CDH7: variants seen among roughly 807,000 people sequenced by gnomAD.
The protein encoded by CDH7 is cadherin-7.
Under a neutral mutation model 71.8 loss-of-function variants are expected in CDH7, and 25 were observed. The observed-to-expected ratio is 0.35, with a 90% confidence interval of 0.25 to 0.49. The LOEUF is 0.49. Among genes scored for constraint, CDH7 ranks in the 20% least tolerant of loss-of-function variants. CDH7 has a pLI of 0.99. For missense variants in CDH7, 862 were observed against 974.6 expected, an observed-to-expected ratio of 0.88 and a Z score of 1.54; for synonymous variants, 381 against 363.8, an observed-to-expected ratio of 1.05 and a Z score of -0.54.
rs1385980058 is a variant in CDH7, at chr18:65,843,795, A to G, written c.982-17A>G. Reference sequence around the variant, plus strand: ...GTTTAACCGGTAATTTAATTTTCCTAACGACTTTCTTTACAGGAGCTGGAT... The same window carrying G: ...GTTTAACCGGTAATTTAATTTTCCTGACGACTTTCTTTACAGGAGCTGGAT... On this transcript the variant is annotated splice_polypyrimidine_tract_variant and intron_variant, in intron 6 of 11. Transcript: ENST00000397968. 2.7e-6 allele frequency: 4 copies of G among 1,476,608 alleles called. No homozygotes were observed. The highest frequency in any genetic ancestry group is 3.8e-4 in the Middle Eastern group (2 of 5,204). The allele number at this position is 1,476,608 out of a possible 1,614,324, so 91.5% of individuals were successfully genotyped here.
chr18:65,841,470 A>C (rs1270177239), intron 6 of CDH7, among the ~76,000 whole-genome samples: 4 of 152,306 alleles, frequency 2.6e-5, no homozygotes, highest in Non-Finnish European at 4.4e-5. Context: ...CGGATTTCTA[A>C]GTATATTCTT....
intron 2 of CDH7, among the ~76,000 whole-genome samples, chr18:65,782,368 A>G (rs1255543252): frequency 6.6e-6 from 1 of 151,612 alleles, no homozygotes; most frequent in Non-Finnish European, 1.5e-5. Flanking sequence ...GGTTTTGCCA[A>G]GCTGGTCTTG....
chr18:65,840,830 C>T (rs778497453), intron 6 of CDH7, among the ~76,000 whole-genome samples: 2 of 152,048 alleles, frequency 1.3e-5, no homozygotes, highest in Non-Finnish European at 2.9e-5. Flanking sequence ...TTCCAAACAT[C>T]GAGATAATTT....
At chr18:65,877,480 T>C (rs1209715904) in intron 11 of CDH7, among the ~76,000 whole-genome samples, 1 of 152,122 alleles carries the variant, frequency 6.6e-6, no homozygotes, top group African/African-American at 2.4e-5. Flanking sequence ...TACTTAGACA[T>C]TGATTTAAAT....
rs73542718 is a variant in CDH7 at position 65,757,723 on chromosome 18, G to C, written c.-196-4924G>C. Among the ~76,000 whole-genome samples, 1,077 of 151,792 alleles carry C rather than the reference G, an allele frequency of 7.1e-3. 10 individuals carry two copies. Among genetic ancestry groups the C allele is most frequent in the African/African-American group, 0.024 (1,004 of 41,414 alleles). ...TGTTCTTGTTTTTCTCTTCAGAAAT[G>C]TTCCAGTGTCCAAAAGTTTGTAAAG... On this transcript the variant is annotated intron_variant, in intron 1 of 11. Transcript: ENST00000397968.
In CDH7 at chr18:65,888,810, A is replaced by G. The variant is rs1914438473; in HGVS notation, c.*7916A>G. 6.6e-6 allele frequency: 1 copy of G among 151,972 alleles called. No homozygotes were observed. The highest frequency in any genetic ancestry group is 1.5e-5 in the Non-Finnish European group (1 of 67,968). The allele number at this position is 151,972 out of a possible 1,614,324, so 9.4% of individuals were successfully genotyped here. A position where few individuals can be genotyped will look rare whatever the true frequency, so the allele number is the denominator to read the frequency against. ...TGGTAGAAATGAAAGAAGAAGAAGA[A>G]GAAAAAAACATTGGGACATTTTGCC... On this transcript the variant is annotated 3_prime_UTR_variant, in exon 12 of 12. Coordinates refer to ENST00000397968, the MANE Select transcript of CDH7 (RefSeq NM_004361.5).
chr18:65,774,813 G>T (rs1192390419), intron 2 of CDH7, among the ~76,000 whole-genome samples: 1 of 152,080 alleles, frequency 6.6e-6, no homozygotes, highest in East Asian at 1.9e-4. Context: ...TAATTCCCTT[G>T]ATGGTCCTGG....
chr18:65,850,995 G>T (rs1417263476), intron 7 of CDH7, among the ~76,000 whole-genome samples: 1 of 151,752 alleles, frequency 6.6e-6, no homozygotes, highest in African/African-American at 2.4e-5. Flanking sequence ...GTAGAGATGG[G>T]GCTTTGCCAT....
intron 2 of CDH7, among the ~76,000 whole-genome samples, chr18:65,793,940 C>T (rs549658474): frequency 4.6e-5 from 7 of 151,978 alleles, no homozygotes; most frequent in Non-Finnish European, 1.0e-4. Context: ...GAATTTGATG[C>T]ATTTGATTGT....
intron 6 of CDH7, among the ~76,000 whole-genome samples, chr18:65,834,954 A>G (rs1407635267): frequency 6.6e-6 from 1 of 152,162 alleles, no homozygotes; most frequent in Admixed American, 6.5e-5. Context: ...TCCTTAGCTC[A>G]TGATTTTGTG....
chr18:65,810,492 C>T (rs1911494818), intron 3 of CDH7, among the ~76,000 whole-genome samples: 1 of 152,126 alleles, frequency 6.6e-6, no homozygotes, highest in Admixed American at 6.6e-5. Flanking sequence ...ATTGGCTGTT[C>T]TGTTTAATTG....
At chr18:65,878,590 G>A (rs1914134544) in intron 11 of CDH7, among the ~76,000 whole-genome samples, 1 of 152,248 alleles carries the variant, frequency 6.6e-6, no homozygotes, top group East Asian at 1.9e-4. Flanking sequence ...GTGAATACCA[G>A]ACTACTTATG....
chr18:65,877,866 G>C (rs1247719895), intron 11 of CDH7, among the ~76,000 whole-genome samples: 1 of 152,108 alleles, frequency 6.6e-6, no homozygotes, highest in Non-Finnish European at 1.5e-5. Context: ...AAAAATTGTT[G>C]TCTTTCTTGA....
intron 5 of CDH7, 67 bp downstream of exon 5, chr18:65,822,315 A>G: frequency 7.8e-7 from 1 of 1,284,084 alleles, no homozygotes; most frequent in Non-Finnish European, 1.1e-6. Context: ...ATACATCTTT[A>G]AAATGACTTT....
rs553332366 is a variant in CDH7, at chr18:65,773,288, A to G, written c.210+10236A>G. Reference sequence around the variant, plus strand: ...GGTAATGATTTTATCAAATTATATAAATGCCTTAAACTTGAATATAAATAT... The same window carrying G: ...GGTAATGATTTTATCAAATTATATAGATGCCTTAAACTTGAATATAAATAT... On this transcript the variant is annotated intron_variant, in intron 2 of 11. Transcript: ENST00000397968. Among the ~76,000 whole-genome samples the G allele has an allele frequency of 1.1e-4, 16 of 152,314 alleles. No homozygotes were observed. The South Asian group carries it at 3.3e-3, about 32-fold the overall frequency.
chr18:65,864,242 T>C (rs1209028862), intron 11 of CDH7: 1 of 152,150 alleles, frequency 6.6e-6, no homozygotes, highest in Non-Finnish European at 1.5e-5. Flanking sequence ...AAACAAATTT[T>C]TATTGGTCTA....
rs560842021 is a variant in CDH7 at position 65,827,377 on chromosome 18, A to C, written c.981+2546A>C. Among the ~76,000 whole-genome samples, 18 of 151,984 alleles carry C rather than the reference A, an allele frequency of 1.2e-4. No homozygotes were observed. In the East Asian group the frequency reaches 3.3e-3, roughly 28 times the overall value. The stretch of plus-strand genomic sequence containing the variant: ...ATTACTTCTGTGTCATAAGTAGCCA[A>C]GGTAAATTTTAATATGTAACGAAAG... On this transcript the variant is annotated intron_variant, in intron 6 of 11. Transcript: ENST00000397968.
At chr18:65,751,384 A>G (rs970304341) in intron 1 of CDH7, among the ~76,000 whole-genome samples, 3 of 152,200 alleles carry the variant, frequency 2.0e-5, no homozygotes, top group African/African-American at 7.2e-5. Flanking sequence ...GCCGGTGTTG[A>G]CAGACACCAG....
chr18:65,792,459 G>A (rs1440016409), intron 2 of CDH7, among the ~76,000 whole-genome samples: 1 of 152,040 alleles, frequency 6.6e-6, no homozygotes, highest in Non-Finnish European at 1.5e-5. Flanking sequence ...CCACCCTAGG[G>A]CTGCGTGTTA....
Sources: gnomAD v4.1 joint callset for allele counts (sites outside exome capture counted in the v4.1 genomes callset) on GRCh38, gnomAD v4.1.1 for gene constraint, MANE v1.5 for transcripts, NCBI Gene and HGNC (gene_info 2026-07-23, HGNC 2026-07-21) for gene names.